DTNB: variants seen among roughly 807,000 people sequenced by gnomAD.
The protein encoded by DTNB is dystrobrevin beta, also known as DTN-B.
A neutral mutation model predicts 90.7 loss-of-function variants in DTNB; 63 were observed. That is an observed-to-expected ratio of 0.69 (90% CI 0.57 to 0.86). The LOEUF (loss-of-function observed/expected upper bound fraction) is 0.86. Ranked by LOEUF, DTNB falls within the 40% of genes least tolerant of loss-of-function variation. DTNB has a pLI of 0.00. For synonymous variants in DTNB, 277 were observed against 286.7 expected (o/e 0.97, Z 0.34); for missense variants, 744 against 807.1 (o/e 0.92, Z 0.95).
intron 12 of DTNB, among the ~76,000 whole-genome samples, chr2:25,445,958 T>C (rs2058360821): frequency 6.6e-6 from 1 of 151,640 alleles, no homozygotes; most frequent in African/African-American, 2.4e-5. Context: ...GAAGCTTAGT[T>C]TCCTCAACAA....
chr2:25,566,314 A>G (rs2059026948), intron 8 of DTNB, among the ~76,000 whole-genome samples: 1 of 152,210 alleles, frequency 6.6e-6, no homozygotes, highest in Non-Finnish European at 1.5e-5. Context: ...GCGAACAGGG[A>G]GCCAGCAGGA....
intron 9 of DTNB, among the ~76,000 whole-genome samples, chr2:25,526,373 AT>A (rs1558883908): frequency 4.2e-5 from 2 of 47,476 alleles, no homozygotes; most frequent in African/African-American, 1.4e-4. Context: ...ATATATATAT[AT>A]ATATATATAT....
At chr2:25,539,735 TG>T (rs2151004157) in intron 8 of DTNB, among the ~76,000 whole-genome samples, 1 of 152,262 alleles carries the variant, frequency 6.6e-6, no homozygotes, top group South Asian at 2.1e-4. Context: ...GTGGTCCCAA[TG>T]TAGTAATTTT....
At chr2:25,425,050 G>A (rs2051081342) in intron 15 of DTNB, among the ~76,000 whole-genome samples, 1 of 152,202 alleles carries the variant, frequency 6.6e-6, no homozygotes, top group African/African-American at 2.4e-5. Flanking sequence ...ATGTTACACA[G>A]GCCATGTATG....
intron 11 of DTNB, among the ~76,000 whole-genome samples, chr2:25,454,283 C>A (rs772197040): frequency 1.3e-5 from 2 of 152,052 alleles, no homozygotes; most frequent in Non-Finnish European, 2.9e-5. Context: ...ATTTAAAAGT[C>A]TTTTTCATAT....
intron 18 of DTNB, among the ~76,000 whole-genome samples, chr2:25,384,565 A>G (rs1375937723): frequency 6.6e-6 from 1 of 152,118 alleles, no homozygotes; most frequent in African/African-American, 2.4e-5. Context: ...AGAGAAAACC[A>G]TGTCACGTTT....
chr2:25,471,380 G>A (rs1043924998), intron 10 of DTNB, among the ~76,000 whole-genome samples: 1 of 147,394 alleles, frequency 6.8e-6, no homozygotes, highest in Non-Finnish European at 1.5e-5. Flanking sequence ...CGAAGTGCAT[G>A]AAAAATCTTT....
At chr2:25,440,229 C>T (rs888446330) in intron 12 of DTNB, among the ~76,000 whole-genome samples, 2 of 152,196 alleles carry the variant, frequency 1.3e-5, no homozygotes, top group Non-Finnish European at 2.9e-5. Flanking sequence ...CTGTTCCTCA[C>T]TGGAACAAAT....
At chr2:25,652,745 C>A in intron 1 of DTNB, 84 bp from the exon 2 acceptor site, 2 of 1,414,898 alleles carry the variant, frequency 1.4e-6, no homozygotes, top group East Asian at 4.9e-5. Flanking sequence ...GAAGAGGGAC[C>A]GGAAACCAAG....
chr2:25,634,004 C>G (rs1029879289), intron 3 of DTNB, among the ~76,000 whole-genome samples: 4 of 149,744 alleles, frequency 2.7e-5, no homozygotes, highest in Non-Finnish European at 5.9e-5. Context: ...AGTGAGGAGC[C>G]CCTCCGCCCG....
chr2:25,520,836 C>T (rs1372863930), intron 9 of DTNB, among the ~76,000 whole-genome samples: 1 of 152,086 alleles, frequency 6.6e-6, no homozygotes, highest in African/African-American at 2.4e-5. Context: ...TAAAATAGAA[C>T]AAATTAGAGC....
At chr2:25,478,818 T>C (rs1021196660) in intron 10 of DTNB, among the ~76,000 whole-genome samples, 4 of 152,076 alleles carry the variant, frequency 2.6e-5, no homozygotes, top group African/African-American at 7.2e-5. Context: ...GTTTTTCTAA[T>C]CCAAAGGAGG....
chr2:25,619,722 A>C (rs1367528157), intron 4 of DTNB, among the ~76,000 whole-genome samples: 3 of 152,152 alleles, frequency 2.0e-5, no homozygotes, highest in Non-Finnish European at 4.4e-5. Flanking sequence ...ATTGGTGATA[A>C]TAAGGCAGGC....
At chr2:25,539,906 AT>A (rs1336288833) in intron 8 of DTNB, among the ~76,000 whole-genome samples, 2 of 152,224 alleles carry the variant, frequency 1.3e-5, no homozygotes, top group Non-Finnish European at 2.9e-5. Context: ...GCATCAGGAA[AT>A]AATCCAATTT....
At chr2:25,668,983 C>T (rs1439316659) in intron 1 of DTNB, among the ~76,000 whole-genome samples, 1 of 152,128 alleles carries the variant, frequency 6.6e-6, no homozygotes, top group East Asian at 1.9e-4. Context: ...TATGAATGAA[C>T]TTTAAGGACA....
chr2:25,393,421 C>A (rs2041674056), intron 16 of DTNB, among the ~76,000 whole-genome samples: 1 of 152,046 alleles, frequency 6.6e-6, no homozygotes, highest in African/African-American at 2.4e-5. Flanking sequence ...GCATCCAAAT[C>A]GGTAAAGAGG....
intron 8 of DTNB, among the ~76,000 whole-genome samples, chr2:25,543,965 C>T (rs2081911572): frequency 6.6e-6 from 1 of 152,152 alleles, no homozygotes; most frequent in Admixed American, 6.5e-5. Flanking sequence ...AATTAAGGCT[C>T]ATATAACCAG....
intron 11 of DTNB, among the ~76,000 whole-genome samples, chr2:25,454,905 C>T (rs887200199): frequency 2.0e-5 from 3 of 152,072 alleles, no homozygotes; most frequent in African/African-American, 7.3e-5. Flanking sequence ...TTGGGAATCA[C>T]CGGTTTAAAT....
chr2:25,610,715 CTT>C (rs11392863), intron 4 of DTNB, among the ~76,000 whole-genome samples: 1 of 147,478 alleles, frequency 6.8e-6, no homozygotes. Flanking sequence ...AACTTCTATC[CTT>C]TTTTTTTTTT....
Sources: allele counts gnomAD v4.1 joint callset (sites outside exome capture counted in the v4.1 genomes callset), GRCh38; gene constraint gnomAD v4.1.1; transcripts MANE v1.5; gene names NCBI Gene and HGNC (gene_info 2026-07-23, HGNC 2026-07-21).